Variants in SRGAP2 observed in about 807,000 individuals in gnomAD.
SRGAP2 encodes SLIT-ROBO Rho GTPase-activating protein 2.
Under a neutral mutation model 57.2 loss-of-function variants are expected in SRGAP2, and 15 were observed. The observed-to-expected ratio is 0.26, with a 90% CI of 0.18 to 0.40. The LOEUF (loss-of-function observed/expected upper bound fraction) is 0.40, where lower values mean the gene tolerates loss of function less well. Ranked by LOEUF, SRGAP2 falls within the 10% of genes least tolerant of loss-of-function variation. The pLI, the probability that SRGAP2 is intolerant of heterozygous loss-of-function variation, is 1.00. For missense variants in SRGAP2, 520 were observed against 669.6 expected (o/e 0.78, Z 2.47); for synonymous variants, 249 against 248.0 (o/e 1.00, Z -0.04).
chr1:206,432,513 A>G (rs1661362363), intron 14 of SRGAP2, among the ~76,000 whole-genome samples: 2 of 152,256 alleles, frequency 1.3e-5, no homozygotes, highest in Non-Finnish European at 2.9e-5. Flanking sequence ...GCAAAGTATT[A>G]GAAACAACCT....
chr1:206,434,129 C>G (rs1398431747), intron 14 of SRGAP2, among the ~76,000 whole-genome samples: 3 of 152,154 alleles, frequency 2.0e-5, no homozygotes, highest in African/African-American at 7.2e-5. Context: ...CCACTGAATG[C>G]TGGGGATTTT....
At chr1:206,439,847 C>T in intron 16 of SRGAP2, 129 bp from the exon 17 acceptor site, 1 of 648,968 alleles carries the variant, frequency 1.5e-6, no homozygotes, top group Non-Finnish European at 2.8e-6. Flanking sequence ...CCTGTCACTG[C>T]ACCAGTGCTG....
intron 4 of SRGAP2, among the ~76,000 whole-genome samples, chr1:206,371,401 G>A (rs1216592449): frequency 3.3e-5 from 5 of 152,148 alleles, no homozygotes; most frequent in Non-Finnish European, 5.9e-5. Context: ...TCTTAGAAGT[G>A]CAGTAAAGAA....
chr1:206,204,987 G>A (rs1157929301), intron 1 of SRGAP2: 1 of 151,650 alleles, frequency 6.6e-6, no homozygotes, highest in Non-Finnish European at 1.5e-5. Flanking sequence ...GGCGGGAGAG[G>A]AAGAAAAGTT....
rs527328682 is a variant in SRGAP2, at chr1:206,325,288, A to C, written c.261-17558A>C. On this transcript the variant is annotated intron_variant, in intron 3 of 22. Coordinates refer to ENST00000573034, the MANE Select transcript of SRGAP2 (RefSeq NM_015326.5). ...ATAGCTGAGAACAATACTTTCACAG[A>C]ACAATACTTATCTTTGCTTTGTGTG... Among the ~76,000 whole-genome samples, 480 of 152,182 alleles carry C rather than the reference A, an allele frequency of 3.2e-3. 2 individuals are homozygous for C. Among genetic ancestry groups the C allele is most frequent in the African/African-American group, 0.011 (450 of 41,500 alleles).
intron 18 of SRGAP2, 102 bp downstream of exon 18, chr1:206,446,401 C>T: frequency 1.4e-6 from 1 of 721,024 alleles, no homozygotes; most frequent in East Asian, 2.5e-5. Flanking sequence ...CCCAGATCCT[C>T]CCAACTCCTC....
chr1:206,429,018 A>G (rs983451712), intron 13 of SRGAP2, among the ~76,000 whole-genome samples: 1 of 152,178 alleles, frequency 6.6e-6, no homozygotes, highest in Non-Finnish European at 1.5e-5. Context: ...GCACTAGTCC[A>G]TCTAAAGGAC....
At chr1:206,326,990 T>G (rs1163230239) in intron 3 of SRGAP2, among the ~76,000 whole-genome samples, 5 of 152,026 alleles carry the variant, frequency 3.3e-5, no homozygotes, top group African/African-American at 1.2e-4. Flanking sequence ...GTCATGCCCC[T>G]GTACTCCAAC....
intron 4 of SRGAP2, among the ~76,000 whole-genome samples, chr1:206,353,861 G>A (rs1222509361): frequency 1.5e-5 from 2 of 137,560 alleles, no homozygotes; most frequent in African/African-American, 5.6e-5. Flanking sequence ...GTACAGTGGT[G>A]TGATCATAGC....
At position 206,314,855 on chromosome 1, in the gene SRGAP2, GAC is replaced by G. The variant is rs1672952183; in HGVS notation, c.260+11384_260+11385del. Among the ~76,000 whole-genome samples, 3 of 138,236 alleles carry G rather than the reference GAC, an allele frequency of 2.2e-5. No individual in the cohort carries two copies. The South Asian group carries it at 7.8e-4, about 36-fold the overall frequency. 90.7% of individuals were successfully genotyped at this position (138,236 alleles called of 152,430 possible). ...TAGTACTGGAGATAGAGAAGAATAA[GAC>G]AATCTCCTATTTTCACTAATATTAA... On this transcript the variant is annotated intron_variant, in intron 3 of 22. Coordinates refer to ENST00000573034, the MANE Select transcript of SRGAP2 (RefSeq NM_015326.5).
chr1:206,413,727 A>C (rs1184710251), intron 10 of SRGAP2, among the ~76,000 whole-genome samples: 4 of 152,156 alleles, frequency 2.6e-5, no homozygotes, highest in African/African-American at 9.7e-5. Context: ...GATGCAAAGG[A>C]TAATGAATGA....
rs1362161868 is a variant in SRGAP2 at position 206,433,546 on chromosome 1, C to A, written c.1555+3324C>A. Among the ~76,000 whole-genome samples the A allele has an allele frequency of 2.0e-5, 3 of 151,214 alleles. 1 individual carries two copies. In the East Asian group the frequency reaches 5.8e-4, roughly 29 times the overall value. On this transcript the variant is annotated intron_variant, in intron 14 of 22. Coordinates refer to ENST00000573034, the MANE Select transcript of SRGAP2 (RefSeq NM_015326.5). ...ATCCCATCTACTCGGGAGGCTGAGGCACAAGAATCACTCAAACCCAGGAGA... is the reference window on the plus strand; with the variant it reads ...ATCCCATCTACTCGGGAGGCTGAGGAACAAGAATCACTCAAACCCAGGAGA...
At chr1:206,224,250 G>A (rs1333643001) in intron 2 of SRGAP2, among the ~76,000 whole-genome samples, 3 of 152,052 alleles carry the variant, frequency 2.0e-5, no homozygotes, top group African/African-American at 4.8e-5. Context: ...CAAAGGGAAA[G>A]GAATGTGTTA....
At chr1:206,420,927 T>C (rs1211531677) in intron 12 of SRGAP2, among the ~76,000 whole-genome samples, 1 of 152,198 alleles carries the variant, frequency 6.6e-6, no homozygotes, top group Non-Finnish European at 1.5e-5. Context: ...CCCAAAAATA[T>C]TTTACTAAAA....
At chr1:206,369,023 A>C (rs1553342151) in intron 4 of SRGAP2, among the ~76,000 whole-genome samples, 1 of 152,162 alleles carries the variant, frequency 6.6e-6, no homozygotes, top group East Asian at 1.9e-4. Flanking sequence ...CTATCATCCT[A>C]GACCTAATAT....
chr1:206,305,074 T>A (rs1391950028), intron 3 of SRGAP2, among the ~76,000 whole-genome samples: 1 of 114,214 alleles, frequency 8.8e-6, no homozygotes, highest in Non-Finnish European at 1.7e-5. Context: ...AGCCCATCTA[T>A]GTTTTTGATA....
chr1:206,238,438 A>G (rs1235078577), intron 2 of SRGAP2, among the ~76,000 whole-genome samples: 1 of 17,592 alleles, frequency 5.7e-5, no homozygotes, highest in Admixed American at 5.4e-4. Flanking sequence ...CCCTGAAAGA[A>G]GACACAACAA....
chr1:206,303,885 C>G (rs1173403988), intron 3 of SRGAP2, among the ~76,000 whole-genome samples: 1 of 131,480 alleles, frequency 7.6e-6, no homozygotes, highest in Non-Finnish European at 1.6e-5. Flanking sequence ...CTCTCTCTCT[C>G]TCTCACACAC....
chr1:206,374,316 A>AAT (rs1655018971), intron 4 of SRGAP2, among the ~76,000 whole-genome samples: 1 of 149,868 alleles, frequency 6.7e-6, no homozygotes, highest in African/African-American at 2.5e-5. Flanking sequence ...GCGCCCGGCC[A>AAT]GATACACATT....
Sources: gnomAD v4.1 joint callset for allele counts (sites outside exome capture counted in the v4.1 genomes callset) on GRCh38, gnomAD v4.1.1 for gene constraint, MANE v1.5 for transcripts, NCBI Gene and HGNC (gene_info 2026-07-23, HGNC 2026-07-21) for gene names.